The following DENND5B variants were observed in gnomAD, a reference collection of about 807,000 sequenced individuals.
DENND5B encodes DENN domain-containing protein 5B.
In DENND5B, 34 loss-of-function variants were observed where a neutral mutation model predicts 140.6. The observed-to-expected ratio is 0.24, with a 90% CI of 0.18 to 0.32. The LOEUF (loss-of-function observed/expected upper bound fraction) is 0.32, where lower values mean the gene tolerates loss of function less well. DENND5B is among the 10% of genes least tolerant of loss of function. DENND5B has a pLI of 1.00. For synonymous variants in DENND5B, 551 were observed against 562.1 expected, an observed-to-expected ratio of 0.98 and a Z score of 0.28; for missense variants, 1,142 against 1,560.2, an observed-to-expected ratio of 0.73 and a Z score of 4.52.
chr12:31,533,057 A>G (rs143989395), intron 1 of DENND5B, among the ~76,000 whole-genome samples: 225 of 152,332 alleles, frequency 1.5e-3, no homozygotes, highest in African/African-American at 4.9e-3. Context: ...AAGAGCTTGC[A>G]CAAGTCATTG....
chr12:31,419,447 CAAA>C (rs71444401), intron 11 of DENND5B, among the ~76,000 whole-genome samples: 1 of 131,608 alleles, frequency 7.6e-6, no homozygotes, highest in Non-Finnish European at 1.6e-5. Context: ...ACTCCATCTC[CAAA>C]AAAAAAAAAA....
intron 1 of DENND5B, among the ~76,000 whole-genome samples, chr12:31,579,592 C>G (rs1035832642): frequency 6.6e-6 from 1 of 152,056 alleles, no homozygotes; most frequent in African/African-American, 2.4e-5. Flanking sequence ...ACCCAGGAGG[C>G]AGATACTGCA....
intron 11 of DENND5B, among the ~76,000 whole-genome samples, chr12:31,416,860 T>TA (rs1488501168): frequency 1.3e-5 from 2 of 149,478 alleles, no homozygotes. Context: ...TTTTTGCAAA[T>TA]AATTATATGG....
At chr12:31,502,702 C>A (rs1947056801) in intron 1 of DENND5B, among the ~76,000 whole-genome samples, 1 of 152,146 alleles carries the variant, frequency 6.6e-6, no homozygotes, top group Admixed American at 6.5e-5. Context: ...CCAAGGACAG[C>A]AACAAATATT....
chr12:31,566,571 C>T (rs377300450), intron 1 of DENND5B, among the ~76,000 whole-genome samples: 8 of 151,994 alleles, frequency 5.3e-5, no homozygotes, highest in African/African-American at 1.9e-4. Flanking sequence ...GAGTTCAAGA[C>T]GAGCAAGGGC....
chr12:31,450,857 A>G (rs1306205946), intron 5 of DENND5B, among the ~76,000 whole-genome samples: 3 of 152,186 alleles, frequency 2.0e-5, no homozygotes, highest in Admixed American at 2.0e-4. Flanking sequence ...CTGGTGACCT[A>G]AAAGAGTTAC....
chr12:31,451,083 AG>A (rs1279390999), intron 5 of DENND5B, among the ~76,000 whole-genome samples: 1 of 152,202 alleles, frequency 6.6e-6, no homozygotes, highest in Non-Finnish European at 1.5e-5. Context: ...AAAATGAGAT[AG>A]AGAAATTTGG....
At chr12:31,560,455 G>A (rs1270824760) in intron 1 of DENND5B, among the ~76,000 whole-genome samples, 2 of 152,098 alleles carry the variant, frequency 1.3e-5, no homozygotes, top group Non-Finnish European at 2.9e-5. Context: ...GCTACTATGT[G>A]GCCTGAGCCA....
At chr12:31,468,783 G>A (rs2138376773) in intron 3 of DENND5B, among the ~76,000 whole-genome samples, 1 of 151,938 alleles carries the variant, frequency 6.6e-6, no homozygotes, top group South Asian at 2.1e-4. Context: ...CTGCACTCCA[G>A]GATGAGCGAC....
intron 15 of DENND5B, among the ~76,000 whole-genome samples, chr12:31,401,906 T>C (rs537668113): frequency 6.6e-6 from 1 of 152,132 alleles, no homozygotes; most frequent in African/African-American, 2.4e-5. Flanking sequence ...ATTATAGGCA[T>C]GAGTCACTGC....
rs1453451075 is a variant in DENND5B, at chr12:31,511,921, C to T, written c.128-16002G>A. ...AAATAAAAACATCCCCTCCACTGCC[C>T]TTTTTTTTTTTTTTTTTTTTGTGAC... is the stretch of plus-strand genomic sequence containing the variant. On this transcript the variant is annotated intron_variant, in intron 1 of 20. Transcript: ENST00000389082. Among the ~76,000 whole-genome samples the T allele has an allele frequency of 2.9e-4, 29 of 98,936 alleles. No homozygotes were observed. The South Asian group carries it at 3.3e-3, about 11-fold the overall frequency. 64.9% of individuals were successfully genotyped at this position (98,936 alleles called of 152,430 possible).
At chr12:31,588,585 T>C (rs1217338503) in intron 1 of DENND5B, among the ~76,000 whole-genome samples, 1 of 152,178 alleles carries the variant, frequency 6.6e-6, no homozygotes, top group African/African-American at 2.4e-5. Context: ...GTAAGTAATC[T>C]AGAGATGACA....
intron 3 of DENND5B, among the ~76,000 whole-genome samples, chr12:31,469,549 G>A (rs1007790952): frequency 6.6e-6 from 1 of 152,118 alleles, no homozygotes; most frequent in Non-Finnish European, 1.5e-5. Context: ...TGAGTTCTGT[G>A]AATCATTCTG....
chr12:31,453,819 T>C (rs570267702), intron 4 of DENND5B, among the ~76,000 whole-genome samples: 2 of 152,250 alleles, frequency 1.3e-5, no homozygotes, highest in Admixed American at 6.5e-5. Context: ...GCAAGCAGCA[T>C]AGTGAAACTC....
At chr12:31,399,419 C>T (rs1345160875) in intron 16 of DENND5B, among the ~76,000 whole-genome samples, 2 of 151,102 alleles carry the variant, frequency 1.3e-5, no homozygotes, top group Non-Finnish European at 2.9e-5. Flanking sequence ...GCTGGGATTA[C>T]AAGCGTACAC....
chr12:31,494,190 AT>A (rs1565635411), intron 2 of DENND5B, among the ~76,000 whole-genome samples: 2 of 44,634 alleles, frequency 4.5e-5, no homozygotes, highest in South Asian at 8.3e-4. Context: ...CTATCCATCC[AT>A]CCATCCATCC....
intron 1 of DENND5B, among the ~76,000 whole-genome samples, chr12:31,541,547 A>G (rs1948679933): frequency 6.6e-6 from 1 of 152,224 alleles, no homozygotes; most frequent in Admixed American, 6.5e-5. Flanking sequence ...ACAGGCAATA[A>G]TAAATGCTGG....
At chr12:31,536,623 G>A (rs1948503233) in intron 1 of DENND5B, among the ~76,000 whole-genome samples, 1 of 151,892 alleles carries the variant, frequency 6.6e-6, no homozygotes, top group Non-Finnish European at 1.5e-5. Context: ...TCTTCAGGAG[G>A]AGGCAGAAAA....
In DENND5B at chr12:31,398,349, G is replaced by A; in HGVS notation, c.3082C>T (p.Arg1028Trp). ...TCATCAATGCCTTTCCCCAGCCACC[G>A]CCCACATGGGAATCTGGTAGGACAG... ...TGHTYRFPCG[R>W]WLGKGIDDGS... Residue 1028 changes from arginine to tryptophan, a missense_variant, in exon 17 of 21, where the codon CGG (arginine) becomes TGG (tryptophan). Physicochemically the swap from Arg to Trp is moderately radical, Grantham distance 101. Transcript: ENST00000389082. The A allele has an allele frequency of 1.9e-6, 3 of 1,543,750 alleles. No individual in the cohort carries two copies. The highest frequency in any genetic ancestry group is 1.2e-5 in the South Asian group (1 of 82,678).
Sources: allele counts gnomAD v4.1 joint callset (sites outside exome capture counted in the v4.1 genomes callset), GRCh38; gene constraint gnomAD v4.1.1; transcripts MANE v1.5; gene names NCBI Gene and HGNC (gene_info 2026-07-23, HGNC 2026-07-21).